The following HDAC9 variants were observed in gnomAD, a reference collection of about 807,000 sequenced individuals.
The protein encoded by HDAC9 is histone deacetylase 9.
In HDAC9, 41 loss-of-function variants were observed where a neutral mutation model predicts 139.4. That is an observed-to-expected ratio of 0.29 (90% confidence interval 0.23 to 0.38). HDAC9 has a LOEUF of 0.38. HDAC9 is among the 10% of genes least tolerant of loss of function. The probability of loss-of-function intolerance (pLI) is 1.00; values close to 1 mark genes in which losing one functional copy is unlikely to be tolerated. For synonymous variants in HDAC9, 517 were observed against 476.2 expected (o/e 1.09, Z -1.12); for missense variants, 1,147 against 1,297.0 (o/e 0.88, Z 1.78).
At chr7:18,168,926 T>TGTGTGC (rs1407586998) in intron 2 of HDAC9, among the ~76,000 whole-genome samples, 315 of 129,784 alleles carry the variant, frequency 2.4e-3, no homozygotes, top group Middle Eastern at 0.013. Context: ...TGTGTGTGTG[T>TGTGTGC]GCGCGCATGT....
chr7:18,205,915 T>G (rs1161399152), intron 2 of HDAC9, among the ~76,000 whole-genome samples: 1 of 152,154 alleles, frequency 6.6e-6, no homozygotes, highest in Non-Finnish European at 1.5e-5. Context: ...TTATCTTTCT[T>G]TATTGAGTGT....
chr7:18,470,163 A>G (rs1434960055), intron 1 of HDAC9, among the ~76,000 whole-genome samples: 2 of 152,096 alleles, frequency 1.3e-5, no homozygotes, highest in Non-Finnish European at 2.9e-5. Context: ...AAATAAATAA[A>G]TAAGCCAGGT....
At chr7:18,819,815 C>T (rs1585095930) in intron 17 of HDAC9, among the ~76,000 whole-genome samples, 1 of 152,226 alleles carries the variant, frequency 6.6e-6, no homozygotes, top group East Asian at 1.9e-4. Context: ...AGAAATGTTA[C>T]AAATCAGTTT....
chr7:18,565,516 A>G (rs1822020960), intron 2 of HDAC9, among the ~76,000 whole-genome samples: 1 of 152,160 alleles, frequency 6.6e-6, no homozygotes, highest in Non-Finnish European at 1.5e-5. Flanking sequence ...CATATGTCCA[A>G]AACAGTTGGA....
intron 6 of HDAC9, among the ~76,000 whole-genome samples, chr7:18,618,877 C>T (rs1185042479): frequency 6.6e-6 from 1 of 151,118 alleles, no homozygotes; most frequent in Non-Finnish European, 1.5e-5. Context: ...ATTCAGATTT[C>T]CCCCAAAGTA....
intron 21 of HDAC9, among the ~76,000 whole-genome samples, chr7:18,868,636 T>G (rs1798673829): frequency 6.6e-6 from 1 of 152,196 alleles, no homozygotes; most frequent in Non-Finnish European, 1.5e-5. Flanking sequence ...TGCTACAGTT[T>G]TTTTTCTTAG....
intron 12 of HDAC9, among the ~76,000 whole-genome samples, chr7:18,721,843 G>T (rs1240704994): frequency 2.6e-5 from 4 of 152,032 alleles, no homozygotes; most frequent in African/African-American, 4.8e-5. Context: ...TCCATTAGCA[G>T]GCCACCCCCA....
At chr7:18,274,125 A>G (rs1796562078) in intron 2 of HDAC9, among the ~76,000 whole-genome samples, 1 of 152,220 alleles carries the variant, frequency 6.6e-6, no homozygotes, top group Non-Finnish European at 1.5e-5. Flanking sequence ...ATGTACAGGA[A>G]TATTTATTCG....
chr7:18,438,705 G>T (rs1245661787), intron 1 of HDAC9, among the ~76,000 whole-genome samples: 1 of 151,874 alleles, frequency 6.6e-6, no homozygotes, highest in Non-Finnish European at 1.5e-5. Context: ...GTGTGTGTGT[G>T]TGGTGCATGT....
intron 2 of HDAC9, among the ~76,000 whole-genome samples, chr7:18,253,608 A>G (rs929191822): frequency 2.0e-5 from 3 of 152,180 alleles, no homozygotes; most frequent in Non-Finnish European, 2.9e-5. Context: ...CTGACAAACC[A>G]CAATCTTGAT....
chr7:18,088,318 T>G (rs1583964149), intron 1 of HDAC9, among the ~76,000 whole-genome samples: 1 of 152,184 alleles, frequency 6.6e-6, no homozygotes, highest in African/African-American at 2.4e-5. Flanking sequence ...GGTATAACAA[T>G]GCATATACAA....
At chr7:18,345,995 T>G (rs540371839) in intron 1 of HDAC9, among the ~76,000 whole-genome samples, 3 of 152,148 alleles carry the variant, frequency 2.0e-5, no homozygotes, top group Admixed American at 6.5e-5. Context: ...ATTTTAAGTT[T>G]TCAGGAACTC....
chr7:18,221,782 C>G (rs1183238479), intron 2 of HDAC9, among the ~76,000 whole-genome samples: 2 of 151,964 alleles, frequency 1.3e-5, no homozygotes, highest in Admixed American at 1.3e-4. Context: ...TTGATTTTTT[C>G]TGAGGGATAT....
intron 2 of HDAC9, among the ~76,000 whole-genome samples, chr7:18,536,404 G>T (rs1369159966): frequency 6.6e-6 from 1 of 152,056 alleles, no homozygotes; most frequent in Non-Finnish European, 1.5e-5. Flanking sequence ...ATTTGGAAGA[G>T]CCCAAAATAA....
At chr7:18,409,138 G>T (rs1323900740) in intron 1 of HDAC9, among the ~76,000 whole-genome samples, 1 of 152,256 alleles carries the variant, frequency 6.6e-6, no homozygotes, top group Admixed American at 6.5e-5. Flanking sequence ...AGGTTTTGCT[G>T]TCTATGCCTT....
At chr7:18,239,425 A>G (rs1327483072) in intron 2 of HDAC9, among the ~76,000 whole-genome samples, 2 of 152,150 alleles carry the variant, frequency 1.3e-5, no homozygotes, top group Non-Finnish European at 2.9e-5. Flanking sequence ...GGCTGTGAGT[A>G]GATGAAGGCT....
chr7:18,271,462 G>A (rs1358568785), intron 2 of HDAC9, among the ~76,000 whole-genome samples: 1 of 152,130 alleles, frequency 6.6e-6, no homozygotes, highest in Admixed American at 6.6e-5. Flanking sequence ...AGCCCAAGTG[G>A]TATATGTATT....
intron 25 of HDAC9, among the ~76,000 whole-genome samples, chr7:18,992,818 A>G (rs1477502348): frequency 6.6e-6 from 1 of 152,090 alleles, no homozygotes; most frequent in East Asian, 1.9e-4. Flanking sequence ...GTTCACTGTG[A>G]CATTGACTTG....
At chr7:18,588,565 G>A (rs532856431) in intron 3 of HDAC9, among the ~76,000 whole-genome samples, 1 of 152,324 alleles carries the variant, frequency 6.6e-6, no homozygotes, top group East Asian at 1.9e-4. Context: ...CCATCAGAAA[G>A]GAAAGGTGTC....
Sources: gnomAD v4.1 joint callset for allele counts (sites outside exome capture counted in the v4.1 genomes callset) on GRCh38, gnomAD v4.1.1 for gene constraint, MANE v1.5 for transcripts, NCBI Gene and HGNC (gene_info 2026-07-23, HGNC 2026-07-21) for gene names.